Variants in PAPPA2 observed in about 807,000 individuals in gnomAD.
The protein encoded by PAPPA2 is pappalysin-2.
PAPPA2 carries 86 observed loss-of-function variants against 176.4 expected under a neutral mutation model. The ratio of observed to expected loss-of-function variants is 0.49; its 90% confidence interval spans 0.41 to 0.58. The LOEUF (loss-of-function observed/expected upper bound fraction) is 0.58, where lower values mean the gene tolerates loss of function less well. Ranked by LOEUF, PAPPA2 falls within the 20% of genes least tolerant of loss-of-function variation. PAPPA2 has a pLI of 0.00. For synonymous variants in PAPPA2, 809 were observed against 852.2 expected (o/e 0.95, Z 0.88); for missense variants, 2,073 against 2,256.9 (o/e 0.92, Z 1.65).
intron 4 of PAPPA2, among the ~76,000 whole-genome samples, chr1:176,685,505 G>A (rs893156245): frequency 7.2e-5 from 11 of 152,246 alleles, no homozygotes; most frequent in Non-Finnish European, 1.6e-4. Flanking sequence ...GGAAGAAAGT[G>A]TGTGTGCAGA....
At chr1:176,828,605 C>A in intron 21 of PAPPA2, among the ~76,000 whole-genome samples, 1 of 151,792 alleles carries the variant, frequency 6.6e-6, no homozygotes, top group South Asian at 2.1e-4. Flanking sequence ...TAAGTACATA[C>A]AAATATATAC....
intron 1 of PAPPA2, among the ~76,000 whole-genome samples, chr1:176,513,315 T>A (rs1018500633): frequency 6.6e-6 from 1 of 152,168 alleles, no homozygotes; most frequent in African/African-American, 2.4e-5. Flanking sequence ...TACTTGCTTA[T>A]ATTTTTCTAA....
chr1:176,533,077 C>T (rs1283184909), intron 1 of PAPPA2, among the ~76,000 whole-genome samples: 2 of 152,178 alleles, frequency 1.3e-5, no homozygotes, highest in East Asian at 3.9e-4. Flanking sequence ...AAAACTTTCC[C>T]TTATTCCTGT....
chr1:176,798,980 C>T (rs1292561879), intron 20 of PAPPA2, among the ~76,000 whole-genome samples: 1 of 152,170 alleles, frequency 6.6e-6, no homozygotes, highest in Non-Finnish European at 1.5e-5. Flanking sequence ...TATTTATAGA[C>T]CTGCATATTA....
intron 1 of PAPPA2, among the ~76,000 whole-genome samples, chr1:176,501,414 T>A (rs1464103306): frequency 6.6e-6 from 1 of 152,156 alleles, no homozygotes; most frequent in Non-Finnish European, 1.5e-5. Flanking sequence ...GTCCTGTCCC[T>A]CTTTGTCCCC....
intron 2 of PAPPA2, among the ~76,000 whole-genome samples, chr1:176,593,969 A>G (rs1315692323): frequency 1.3e-5 from 2 of 152,202 alleles, no homozygotes; most frequent in Non-Finnish European, 2.9e-5. Context: ...TGTGCTAGGA[A>G]TGATGTCTGG....
At chr1:176,657,967 A>G (rs1311765819) in intron 3 of PAPPA2, among the ~76,000 whole-genome samples, 2 of 151,990 alleles carry the variant, frequency 1.3e-5, no homozygotes, top group African/African-American at 4.8e-5. Flanking sequence ...TCCAGCATTA[A>G]TATAATCAAC....
At chr1:176,646,405 A>C (rs1319050970) in intron 3 of PAPPA2, among the ~76,000 whole-genome samples, 7 of 151,174 alleles carry the variant, frequency 4.6e-5, no homozygotes, top group African/African-American at 1.7e-4. Flanking sequence ...CTTTCTTTGC[A>C]TTACAAACAT....
chr1:176,541,260 A>T (rs1650350204), intron 1 of PAPPA2, among the ~76,000 whole-genome samples: 1 of 152,246 alleles, frequency 6.6e-6, no homozygotes. Context: ...AGAGGCTTCC[A>T]CATGATTTCT....
At chr1:176,487,735 A>ATGT (rs1349828753) in intron 1 of PAPPA2, among the ~76,000 whole-genome samples, 1 of 152,198 alleles carries the variant, frequency 6.6e-6, no homozygotes, top group African/African-American at 2.4e-5. Flanking sequence ...GACAAATAAA[A>ATGT]TGTGATTCCT....
intron 3 of PAPPA2, among the ~76,000 whole-genome samples, chr1:176,634,933 A>G (rs1199773209): frequency 1.3e-5 from 2 of 150,770 alleles, no homozygotes; most frequent in African/African-American, 4.9e-5. Flanking sequence ...GATGATGATG[A>G]TGATAGATGA....
intron 3 of PAPPA2, among the ~76,000 whole-genome samples, chr1:176,666,757 A>G (rs1658679707): frequency 6.6e-6 from 1 of 152,042 alleles, no homozygotes; most frequent in Non-Finnish European, 1.5e-5. Context: ...GGAGCAAAAG[A>G]AGAATATTGA....
At chr1:176,734,305 A>G (rs1007795941) in intron 12 of PAPPA2, among the ~76,000 whole-genome samples, 1 of 151,970 alleles carries the variant, frequency 6.6e-6, no homozygotes, top group Non-Finnish European at 1.5e-5. Context: ...CAAATCATAC[A>G]TTGTTGAATG....
intron 14 of PAPPA2, among the ~76,000 whole-genome samples, chr1:176,745,982 C>G (rs1662888385): frequency 6.6e-6 from 1 of 152,198 alleles, no homozygotes; most frequent in Non-Finnish European, 1.5e-5. Flanking sequence ...GAGACATCCA[C>G]AGGGGTGCCA....
chr1:176,693,761 A>G (rs932099124), intron 6 of PAPPA2, among the ~76,000 whole-genome samples: 2 of 152,158 alleles, frequency 1.3e-5, no homozygotes, highest in Non-Finnish European at 2.9e-5. Context: ...TCTGTTTGTG[A>G]GTCAGCACAC....
chr1:176,762,241 G>T (rs916389498), intron 14 of PAPPA2, among the ~76,000 whole-genome samples: 1 of 151,548 alleles, frequency 6.6e-6, no homozygotes, highest in Non-Finnish European at 1.5e-5. Flanking sequence ...AAACAGGTCT[G>T]GGTTTGGTCC....
chr1:176,744,242 T>C (rs1056338420), intron 14 of PAPPA2, among the ~76,000 whole-genome samples: 3 of 152,230 alleles, frequency 2.0e-5, no homozygotes, highest in Non-Finnish European at 4.4e-5. Flanking sequence ...CTACTCTTTC[T>C]GGAATTAAAA....
chr1:176,594,418 T>C, intron 2 of PAPPA2, 106 bp from the exon 3 acceptor site: 1 of 977,152 alleles, frequency 1.0e-6, no homozygotes, highest in African/African-American at 1.6e-5. Context: ...TTATTCCCCA[T>C]TAAAAACCTG....
intron 1 of PAPPA2, among the ~76,000 whole-genome samples, chr1:176,555,161 G>A (rs1651201944): frequency 6.6e-6 from 1 of 152,154 alleles, no homozygotes; most frequent in Non-Finnish European, 1.5e-5. Flanking sequence ...CCTGTGCCTT[G>A]GTGAGGTGGG....
Sources: allele counts gnomAD v4.1 joint callset (sites outside exome capture counted in the v4.1 genomes callset), GRCh38; gene constraint gnomAD v4.1.1; transcripts MANE v1.5; gene names NCBI Gene and HGNC (gene_info 2026-07-23, HGNC 2026-07-21).